The following LUZP2 variants were observed in gnomAD, a reference collection of about 807,000 sequenced individuals.
LUZP2 encodes leucine zipper protein 2.
A neutral mutation model predicts 51.6 loss-of-function variants in LUZP2; 52 were observed. That is an observed-to-expected ratio of 1.01 (90% confidence interval 0.81 to 1.27). LUZP2 has a LOEUF of 1.27. Ranked by LOEUF, LUZP2 falls within the 50% of genes most tolerant of loss-of-function variation. LUZP2 has a pLI of 0.00. For synonymous variants in LUZP2, 154 were observed against 137.3 expected, an observed-to-expected ratio of 1.12 and a Z score of -0.85; for missense variants, 436 against 395.4, an observed-to-expected ratio of 1.10 and a Z score of -0.87.
intron 5 of LUZP2, among the ~76,000 whole-genome samples, chr11:24,842,738 C>T (rs1413947706): frequency 6.6e-6 from 1 of 151,722 alleles, no homozygotes; most frequent in South Asian, 2.1e-4. Context: ...AATGAAAATA[C>T]TGCTTTAAGA....
intron 1 of LUZP2, among the ~76,000 whole-genome samples, chr11:24,700,171 C>G (rs893650472): frequency 6.7e-6 from 1 of 148,698 alleles, no homozygotes; most frequent in South Asian, 2.1e-4. Context: ...AAGCAAGTCT[C>G]TTGCCTCAGC....
chr11:24,871,580 C>T (rs1429613707), intron 5 of LUZP2, among the ~76,000 whole-genome samples: 1 of 152,036 alleles, frequency 6.6e-6, no homozygotes, highest in Non-Finnish European at 1.5e-5. Context: ...TTCTGGTCTA[C>T]CTCTGAAGAC....
chr11:24,542,614 C>A (rs1283700203), intron 1 of LUZP2, among the ~76,000 whole-genome samples: 4 of 150,770 alleles, frequency 2.7e-5, no homozygotes, highest in Admixed American at 1.3e-4. Flanking sequence ...ATCAATGAAA[C>A]AAAATAATAT....
intron 9 of LUZP2, among the ~76,000 whole-genome samples, chr11:24,985,149 C>T (rs1417996612): frequency 6.6e-6 from 1 of 151,474 alleles, no homozygotes; most frequent in Non-Finnish European, 1.5e-5. Flanking sequence ...CATTGTTTTT[C>T]TTCTATGTAC....
intron 10 of LUZP2, among the ~76,000 whole-genome samples, chr11:25,051,100 A>G (rs1475601860): frequency 6.6e-6 from 1 of 152,180 alleles, no homozygotes; most frequent in Non-Finnish European, 1.5e-5. Context: ...AGCTAAAAAT[A>G]TATAATGATG....
chr11:24,597,335 C>G (rs1853476092), intron 1 of LUZP2, among the ~76,000 whole-genome samples: 1 of 152,258 alleles, frequency 6.6e-6, no homozygotes. Flanking sequence ...GTAATGCACT[C>G]TATTGATATA....
intron 5 of LUZP2, among the ~76,000 whole-genome samples, chr11:24,784,435 A>G (rs1849180523): frequency 6.6e-6 from 1 of 152,074 alleles, no homozygotes; most frequent in African/African-American, 2.4e-5. Flanking sequence ...TGTTGGTTCT[A>G]TTAGAAGATT....
At chr11:24,687,040 A>C (rs528977470) in intron 1 of LUZP2, among the ~76,000 whole-genome samples, 18 of 152,298 alleles carry the variant, frequency 1.2e-4, no homozygotes, top group African/African-American at 4.3e-4. Context: ...AGTGTCTGAG[A>C]TATTATTAGG....
At chr11:24,529,350 T>C (rs934521290) in intron 1 of LUZP2, among the ~76,000 whole-genome samples, 1 of 150,994 alleles carries the variant, frequency 6.6e-6, no homozygotes, top group African/African-American at 2.4e-5. Flanking sequence ...ATCAACCATG[T>C]AGCAACAAAC....
At chr11:24,677,843 A>T (rs1457752135) in intron 1 of LUZP2, among the ~76,000 whole-genome samples, 3 of 151,828 alleles carry the variant, frequency 2.0e-5, no homozygotes, top group Non-Finnish European at 4.4e-5. Context: ...AGGTCAGGAG[A>T]TCGATACCAT....
At chr11:24,770,027 C>T (rs1860350345) in intron 5 of LUZP2, among the ~76,000 whole-genome samples, 1 of 152,160 alleles carries the variant, frequency 6.6e-6, no homozygotes, top group Non-Finnish European at 1.5e-5. Context: ...CTCCTGACCT[C>T]AAGTGATCTG....
intron 5 of LUZP2, among the ~76,000 whole-genome samples, chr11:24,876,808 T>G (rs892890459): frequency 3.3e-5 from 5 of 151,970 alleles, no homozygotes; most frequent in African/African-American, 1.2e-4. Flanking sequence ...TGAAGTACAC[T>G]CCTCTTTTTC....
At chr11:24,978,638 A>G (rs1171018722) in intron 8 of LUZP2, among the ~76,000 whole-genome samples, 1 of 151,798 alleles carries the variant, frequency 6.6e-6, no homozygotes, top group Non-Finnish European at 1.5e-5. Context: ...AAAATATATG[A>G]CACAAGGTCT....
intron 5 of LUZP2, among the ~76,000 whole-genome samples, chr11:24,904,428 A>G (rs981336647): frequency 1.2e-4 from 18 of 151,610 alleles, no homozygotes; most frequent in Non-Finnish European, 2.4e-4. Flanking sequence ...GACTGCAGGC[A>G]CCCACCACCA....
chr11:24,994,478 T>C (rs956256026), intron 9 of LUZP2, among the ~76,000 whole-genome samples: 1 of 152,194 alleles, frequency 6.6e-6, no homozygotes, highest in Non-Finnish European at 1.5e-5. Context: ...TTCAGTTCCA[T>C]TAATCTATAT....
At chr11:24,980,571 C>T (rs1351638984) in intron 8 of LUZP2, among the ~76,000 whole-genome samples, 2 of 151,152 alleles carry the variant, frequency 1.3e-5, no homozygotes, top group African/African-American at 4.9e-5. Flanking sequence ...CTGATGATGC[C>T]ACAGATAGGA....
rs1023873504 is a variant in LUZP2, at chr11:24,497,320, G to A, written c.62+15G>A. ...CTCAGCACCAGGTGAGTCCAGGAGC[G>A]TGAGTGACCTGAGGCCAGGGGCGCT... On this transcript the variant is annotated intron_variant, in intron 1 of 11. Transcript: ENST00000336930. The A allele has an allele frequency of 6.6e-6, 10 of 1,515,760 alleles. No individual in the cohort carries two copies. The highest frequency in any genetic ancestry group is 8.9e-6 in the Non-Finnish European group (10 of 1,124,856). 93.9% of individuals were successfully genotyped at this position (1,515,760 alleles called of 1,614,324 possible). A position where few individuals can be genotyped will look rare whatever the true frequency, so the allele number is the denominator to read the frequency against.
intron 1 of LUZP2, among the ~76,000 whole-genome samples, chr11:24,502,378 T>TTTTGTTTG (rs34008180): frequency 2.3e-4 from 35 of 150,962 alleles, no homozygotes; most frequent in South Asian, 6.3e-4. Flanking sequence ...TTCCAAAGTA[T>TTTTGTTTG]TTTGTTTGTT....
At chr11:24,857,854 G>A (rs1851618342) in intron 5 of LUZP2, among the ~76,000 whole-genome samples, 1 of 152,008 alleles carries the variant, frequency 6.6e-6, no homozygotes, top group East Asian at 1.9e-4. Context: ...TGGTTTCCAT[G>A]TAACCTTGCT....
Sources: gnomAD v4.1 joint callset for allele counts (sites outside exome capture counted in the v4.1 genomes callset) on GRCh38, gnomAD v4.1.1 for gene constraint, MANE v1.5 for transcripts, NCBI Gene and HGNC (gene_info 2026-07-23, HGNC 2026-07-21) for gene names.